Variants in COL25A1 observed in about 807,000 individuals in gnomAD.
COL25A1 encodes collagen alpha-1(XXV) chain.
A neutral mutation model predicts 128.4 loss-of-function variants in COL25A1; 103 were observed. That is an observed-to-expected ratio of 0.80 (90% confidence interval 0.68 to 0.94). The LOEUF (loss-of-function observed/expected upper bound fraction) is 0.94. Ranked by LOEUF, COL25A1 falls within the 40% of genes least tolerant of loss-of-function variation. The pLI is 0.00. For missense variants in COL25A1, 745 were observed against 840.0 expected (o/e 0.89, Z 1.40); for synonymous variants, 279 against 277.2 (o/e 1.01, Z -0.06).
chr4:108,936,932 C>T (rs1013028194), intron 11 of COL25A1, among the ~76,000 whole-genome samples: 1 of 151,702 alleles, frequency 6.6e-6, no homozygotes. Context: ...GGTATGAACC[C>T]CCGTGCCCAG....
At chr4:109,032,967 G>A (rs956394106) in intron 5 of COL25A1, among the ~76,000 whole-genome samples, 7 of 152,208 alleles carry the variant, frequency 4.6e-5, no homozygotes, top group African/African-American at 1.7e-4. Context: ...AAAGGAAGTA[G>A]GCCAAGGTAG....
chr4:109,073,137 A>C (rs947356190), intron 3 of COL25A1, among the ~76,000 whole-genome samples: 3 of 151,992 alleles, frequency 2.0e-5, no homozygotes, highest in African/African-American at 7.2e-5. Context: ...GTGCATGTGT[A>C]TGTGTGTGTG....
intron 18 of COL25A1, among the ~76,000 whole-genome samples, chr4:108,888,832 T>C (rs1398935808): frequency 6.6e-6 from 1 of 152,062 alleles, no homozygotes; most frequent in Non-Finnish European, 1.5e-5. Context: ...TAATGACAGT[T>C]AGAAACAGCA....
chr4:108,926,524 A>G (rs910374178), intron 11 of COL25A1, among the ~76,000 whole-genome samples: 1 of 152,220 alleles, frequency 6.6e-6, no homozygotes, highest in African/African-American at 2.4e-5. Context: ...GTCTAGTTCC[A>G]AAGGGAAGAA....
At chr4:108,968,593 G>A (rs570192479) in intron 8 of COL25A1, among the ~76,000 whole-genome samples, 21 of 151,114 alleles carry the variant, frequency 1.4e-4, no homozygotes, top group East Asian at 1.2e-3. Context: ...ATCCCACTCC[G>A]TAAGTGTGAG....
At chr4:108,994,350 C>A (rs1754533742) in intron 6 of COL25A1, among the ~76,000 whole-genome samples, 1 of 152,250 alleles carries the variant, frequency 6.6e-6, no homozygotes, top group African/African-American at 2.4e-5. Context: ...GCCTTGCTCA[C>A]TGCTAGCGCA....
At chr4:109,167,256 G>A (rs1438639445) in intron 3 of COL25A1, among the ~76,000 whole-genome samples, 2 of 152,102 alleles carry the variant, frequency 1.3e-5, no homozygotes, top group Non-Finnish European at 2.9e-5. Flanking sequence ...GTCCCATTCA[G>A]GATAACATGT....
At chr4:108,831,285 G>A (rs1386792048) in intron 32 of COL25A1, among the ~76,000 whole-genome samples, 1 of 152,000 alleles carries the variant, frequency 6.6e-6, no homozygotes, top group Non-Finnish European at 1.5e-5. Context: ...AGCAAAATAG[G>A]CTTTACCTAA....
At chr4:108,842,143 G>A (rs1459015597) in intron 30 of COL25A1, among the ~76,000 whole-genome samples, 2 of 152,140 alleles carry the variant, frequency 1.3e-5, no homozygotes, top group African/African-American at 4.8e-5. Context: ...CCAGGGAAGA[G>A]GAGAAGTTTT....
In COL25A1 at chr4:108,812,465, A is replaced by T. The variant is rs866169176; in HGVS notation, c.*1462T>A. 12 of 152,204 alleles carry T rather than the reference A, an allele frequency of 7.9e-5. No individual in the cohort carries two copies. Among genetic ancestry groups the T allele is most frequent in the Admixed American group, 3.9e-4 (6 of 15,278 alleles). The allele number at this position is 152,204 out of a possible 1,614,324, so 9.4% of individuals were successfully genotyped here. A position where few individuals can be genotyped will look rare whatever the true frequency, so the allele number is the denominator to read the frequency against. On this transcript the variant is annotated 3_prime_UTR_variant, in exon 38 of 38. Transcript: ENST00000399132. ...AACTACTTAAAAATGCATAACTTTC[A>T]TGCTTTACAATGATTAGACTGAAAG... is the stretch of plus-strand genomic sequence containing the variant.
intron 6 of COL25A1, among the ~76,000 whole-genome samples, chr4:108,979,473 T>C (rs758983136): frequency 7.2e-5 from 11 of 152,158 alleles, no homozygotes; most frequent in Non-Finnish European, 1.6e-4. Flanking sequence ...GAACTGTAAA[T>C]TATATTTGCT....
In COL25A1 at chr4:108,846,165, CT is replaced by C; in HGVS notation, c.1488del (p.Gly497GlufsTer14). On this transcript the variant is annotated frameshift_variant, in exon 28 of 38. Coordinates refer to ENST00000399132, the MANE Select transcript of COL25A1 (RefSeq NM_198721.4). LOFTEE classifies it high-confidence loss of function. Reference sequence around the variant, plus strand: ...GGTAATCCAGGAAGTCCAATTCCTCCTTTTTCACCTGTCATACCTGGGTCCC... The same window carrying C: ...GGTAATCCAGGAAGTCCAATTCCTCCTTTTCACCTGTCATACCTGGGTCCC... ...DMGDPGMTGE[K>X]GGIGLPGLPG... is the part of the protein sequence containing the mutation. The C allele has an allele frequency of 6.2e-7, 1 of 1,612,342 alleles. No homozygotes were observed. The highest frequency in any genetic ancestry group is 8.5e-7 in the Non-Finnish European group (1 of 1,178,488).
intron 3 of COL25A1, among the ~76,000 whole-genome samples, chr4:109,073,242 A>C (rs1335595323): frequency 6.6e-6 from 1 of 152,178 alleles, no homozygotes; most frequent in African/African-American, 2.4e-5. Context: ...TTACCTCAGA[A>C]TAAATGAGCA....
chr4:109,210,553 C>T (rs566041156), intron 3 of COL25A1, among the ~76,000 whole-genome samples: 3 of 152,258 alleles, frequency 2.0e-5, no homozygotes, highest in East Asian at 1.9e-4. Context: ...TGCTTCCCAC[C>T]GTTTTTAACA....
rs185107446 is a variant in COL25A1, at chr4:108,872,749, C to T, written c.1021-3599G>A. Among the ~76,000 whole-genome samples the T allele has an allele frequency of 8.4e-4, 127 of 151,194 alleles. 2 individuals are homozygous for T. The East Asian group carries it at 0.019, about 22-fold the overall frequency. ...ACACACATACATATACATATATACA[C>T]ACACATATATCTCTCAAAATGTCAT... On this transcript the variant is annotated intron_variant, in intron 19 of 37. Coordinates refer to ENST00000399132, the MANE Select transcript of COL25A1 (RefSeq NM_198721.4).
chr4:109,057,527 C>A lies in COL25A1; in HGVS notation c.368-7348G>T, dbSNP rs542499297. Among the ~76,000 whole-genome samples the A allele has an allele frequency of 2.2e-3, 324 of 145,870 alleles. 1 individual carries two copies. The highest frequency in any genetic ancestry group is 7.7e-3 in the African/African-American group (304 of 39,546). On this transcript the variant is annotated intron_variant, in intron 3 of 37. Coordinates refer to ENST00000399132, the MANE Select transcript of COL25A1 (RefSeq NM_198721.4). ...AAACTCCTGACTTCAGGTGACCTGC[C>A]GGCCTTTGCCTCCCAAAGTGCTGGG...
At chr4:108,966,338 A>G (rs1299716155) in intron 8 of COL25A1, among the ~76,000 whole-genome samples, 1 of 152,086 alleles carries the variant, frequency 6.6e-6, no homozygotes, top group Non-Finnish European at 1.5e-5. Flanking sequence ...ATATCCACCT[A>G]TTTGTGCTTG....
intron 3 of COL25A1, among the ~76,000 whole-genome samples, chr4:109,236,864 T>G (rs202088841): frequency 6.6e-6 from 1 of 152,164 alleles, no homozygotes; most frequent in East Asian, 1.9e-4. Flanking sequence ...GGAATTGATA[T>G]GCAAAATAGC....
At chr4:109,051,231 C>T (rs1360925372) in intron 3 of COL25A1, among the ~76,000 whole-genome samples, 4 of 152,054 alleles carry the variant, frequency 2.6e-5, no homozygotes, top group South Asian at 4.1e-4. Context: ...AGTATCCAAG[C>T]GACTTTCAAT....
Sources: allele counts gnomAD v4.1 joint callset (sites outside exome capture counted in the v4.1 genomes callset), GRCh38; gene constraint gnomAD v4.1.1; transcripts MANE v1.5; gene names NCBI Gene and HGNC (gene_info 2026-07-23, HGNC 2026-07-21).